SH3RF1: variants seen among roughly 807,000 people sequenced by gnomAD.
The protein encoded by SH3RF1 is SH3 domain containing ring finger 1, also known as E3 ubiquitin-protein ligase SH3RF1.
SH3RF1 carries 32 observed loss-of-function variants against 74.0 expected under a neutral mutation model. The observed-to-expected ratio is 0.43, with a 90% CI of 0.33 to 0.58. The LOEUF (loss-of-function observed/expected upper bound fraction) is 0.58, where lower values mean the gene tolerates loss of function less well. Ranked by LOEUF, SH3RF1 falls within the 20% of genes least tolerant of loss-of-function variation. The pLI, the probability that SH3RF1 is intolerant of heterozygous loss-of-function variation, is 0.05. For missense variants in SH3RF1, 954 were observed against 1,130.9 expected (o/e 0.84, Z 2.24); for synonymous variants, 396 against 439.6 (o/e 0.90, Z 1.24).
intron 4 of SH3RF1, among the ~76,000 whole-genome samples, chr4:169,152,179 T>C (rs1292156394): frequency 2.0e-5 from 3 of 152,150 alleles, no homozygotes; most frequent in African/African-American, 7.2e-5. Context: ...AAAGGGCCTG[T>C]CTAAATTGAA....
chr4:169,132,950 T>C (rs1484048262), intron 5 of SH3RF1, among the ~76,000 whole-genome samples: 1 of 152,210 alleles, frequency 6.6e-6, no homozygotes, highest in Non-Finnish European at 1.5e-5. Context: ...TGCCTATAAG[T>C]AATCTTTCAA....
intron 3 of SH3RF1, among the ~76,000 whole-genome samples, chr4:169,156,091 A>G (rs1331996092): frequency 1.3e-5 from 2 of 152,226 alleles, no homozygotes; most frequent in Non-Finnish European, 2.9e-5. Context: ...TTTGTTATTC[A>G]TAATTCAGTA....
Position 169,191,320 on chromosome 4 carries a change from A to T in SH3RF1, c.394-34641T>A, listed in dbSNP as rs567274879. 8.9e-5 allele frequency among the ~76,000 whole-genome samples: 13 copies of T among 146,814 alleles called. No individual in the cohort carries two copies. In the East Asian group the frequency reaches 1.8e-3, roughly 21 times the overall value. On this transcript the variant is annotated intron_variant, in intron 2 of 11. Coordinates refer to ENST00000284637, the MANE Select transcript of SH3RF1 (RefSeq NM_020870.4). The stretch of plus-strand genomic sequence containing the variant: ...CTGCAAAAAAAAAAAAAAAAACCTT[A>T]GGAATATACCTAACCAAGGAAGTGA...
At chr4:169,212,920 T>C (rs987313507) in intron 2 of SH3RF1, among the ~76,000 whole-genome samples, 2 of 152,246 alleles carry the variant, frequency 1.3e-5, no homozygotes, top group Admixed American at 1.3e-4. Context: ...GTTTTGCTTT[T>C]TCCAGAATGT....
At chr4:169,224,446 T>C (rs2127003564) in intron 2 of SH3RF1, among the ~76,000 whole-genome samples, 1 of 152,244 alleles carries the variant, frequency 6.6e-6, no homozygotes, top group Non-Finnish European at 1.5e-5. Context: ...GCCTCCCAAG[T>C]AGCTGGGATT....
chr4:169,239,081 T>C (rs1474733674), intron 2 of SH3RF1, among the ~76,000 whole-genome samples: 3 of 151,596 alleles, frequency 2.0e-5, no homozygotes, highest in Non-Finnish European at 2.9e-5. Flanking sequence ...TTAAATATAC[T>C]AGAATATACT....
intron 4 of SH3RF1, among the ~76,000 whole-genome samples, chr4:169,137,728 T>C (rs1440967868): frequency 6.6e-6 from 1 of 152,124 alleles, no homozygotes; most frequent in Non-Finnish European, 1.5e-5. Flanking sequence ...GAATGGAAAC[T>C]CTCTCAGTCA....
Position 169,156,597 on chromosome 4 carries a change from T to C in SH3RF1, c.476A>G (p.Asp159Gly). ...CACTTGTCTTCGCAAAATGATGATGTCACCTTTGCTGAATTTAAGGTCTCC... is the reference window on the plus strand; with the variant it reads ...CACTTGTCTTCGCAAAATGATGATGCCACCTTTGCTGAATTTAAGGTCTCC... Reference protein sequence around the residue: ...EPGDLKFSKGDIIILRRQVDE... With the variant: ...EPGDLKFSKGGIIILRRQVDE... Residue 159 changes from aspartate to glycine, a missense_variant, in exon 3 of 12, where the codon GAC (aspartate) becomes GGC (glycine). Around this residue, in one of 3 missense-constraint regions of SH3RF1, gnomAD observed 854 missense variants for 962.5 expected, o/e 0.89. Coordinates refer to ENST00000284637, the MANE Select transcript of SH3RF1 (RefSeq NM_020870.4). 6.2e-7 allele frequency: 1 copy of C among 1,614,066 alleles called. No homozygotes were observed. The highest frequency in any genetic ancestry group is 1.7e-5 in the Admixed American group (1 of 60,012).
intron 2 of SH3RF1, among the ~76,000 whole-genome samples, chr4:169,198,757 C>T (rs1051262650): frequency 6.6e-6 from 1 of 151,786 alleles, no homozygotes; most frequent in African/African-American, 2.4e-5. Context: ...GAAGACTTTA[C>T]AAGAGAAAAA....
intron 2 of SH3RF1, among the ~76,000 whole-genome samples, chr4:169,187,351 C>T (rs1402035533): frequency 1.3e-5 from 2 of 152,078 alleles, no homozygotes; most frequent in Non-Finnish European, 2.9e-5. Flanking sequence ...CGTCACCATG[C>T]TTGGCTAATT....
intron 2 of SH3RF1, among the ~76,000 whole-genome samples, chr4:169,162,897 T>C (rs1189217275): frequency 2.6e-5 from 4 of 152,178 alleles, no homozygotes; most frequent in African/African-American, 9.7e-5. Context: ...ACACACTCTG[T>C]GCTGTCTGCT....
intron 2 of SH3RF1, among the ~76,000 whole-genome samples, chr4:169,247,813 C>G (rs972137465): frequency 1.3e-5 from 2 of 152,022 alleles, no homozygotes; most frequent in Admixed American, 1.3e-4. Context: ...AAAAACGACC[C>G]CATCAAAAAG....
intron 4 of SH3RF1, among the ~76,000 whole-genome samples, chr4:169,140,977 T>A (rs1002913734): frequency 6.7e-6 from 1 of 150,188 alleles, no homozygotes; most frequent in Non-Finnish European, 1.5e-5. Flanking sequence ...GGTTTTGTTT[T>A]TTCTTTTCTT....
At chr4:169,243,005 T>A (rs1427522250) in intron 2 of SH3RF1, among the ~76,000 whole-genome samples, 3 of 152,188 alleles carry the variant, frequency 2.0e-5, no homozygotes, top group African/African-American at 4.8e-5. Context: ...GGACCAGACT[T>A]TGAGAAACAG....
rs1213782630 is a variant in SH3RF1 at position 169,181,970 on chromosome 4, G to A, written c.394-25291C>T. On this transcript the variant is annotated intron_variant, in intron 2 of 11. Transcript: ENST00000284637. ...TGAGTTTTTATTTGTCTCTCCCACC[G>A]AAATGAAGAGAGAAACCATATTTGT... Among the ~76,000 whole-genome samples, 5 of 152,112 alleles carry A rather than the reference G, an allele frequency of 3.3e-5. No individual in the cohort carries two copies. In the South Asian group the frequency reaches 6.2e-4, roughly 19 times the overall value.
chr4:169,210,812 G>A (rs972320658), intron 2 of SH3RF1, among the ~76,000 whole-genome samples: 14 of 152,152 alleles, frequency 9.2e-5, no homozygotes, highest in African/African-American at 3.4e-4. Context: ...CTGTACCTCA[G>A]TTCCATTTTC....
chr4:169,162,039 G>A (rs1169516445), intron 2 of SH3RF1, among the ~76,000 whole-genome samples: 1 of 152,086 alleles, frequency 6.6e-6, no homozygotes, highest in African/African-American at 2.4e-5. Flanking sequence ...AATTAGCACG[G>A]TGGTGGTGCG....
chr4:169,116,568 C>T lies in SH3RF1; in HGVS notation c.1840G>A (p.Ala614Thr), dbSNP rs375418943. The change falls in exon 10 of 12, where the codon GCC becomes ACC. Residue 614 changes from alanine to threonine, a missense_variant. Ala to Thr is a moderately conservative substitution (Grantham distance 58). Around this residue, in one of 3 missense-constraint regions of SH3RF1, gnomAD observed 854 missense variants for 962.5 expected, o/e 0.89. Transcript: ENST00000284637. The stretch of plus-strand genomic sequence containing the variant: ...CCCACAGATGCAGGGCTGAGGCCGG[C>T]GGCATTCTGTACCTGGATGGGTGTC... ...AVTPIQVQNA[A>T]GLSPASVGLS... is the part of the protein sequence containing the mutation. The T allele has an allele frequency of 8.1e-6, 13 of 1,599,010 alleles. No individual in the cohort carries two copies. The highest frequency in any genetic ancestry group is 1.7e-4 in the Middle Eastern group (1 of 5,924).
chr4:169,148,569 T>C (rs374496108), intron 4 of SH3RF1, among the ~76,000 whole-genome samples: 16 of 152,296 alleles, frequency 1.1e-4, no homozygotes, highest in African/African-American at 3.4e-4. Flanking sequence ...AGAAATAAAA[T>C]CATTAAAAAT....
Sources: gnomAD v4.1 joint callset for allele counts (sites outside exome capture counted in the v4.1 genomes callset) on GRCh38, gnomAD v4.1.1 for gene constraint, gnomAD v4.1.1 regional missense constraint, MANE v1.5 for transcripts, NCBI Gene and HGNC (gene_info 2026-07-23, HGNC 2026-07-21) for gene names.